ATR: variants seen among roughly 807,000 people sequenced by gnomAD.
The protein encoded by ATR is ATR checkpoint kinase, also known as serine/threonine-protein kinase ATR.
ATR carries 142 observed loss-of-function variants against 305.3 expected under a neutral mutation model. The observed-to-expected ratio is 0.47, with a 90% CI of 0.41 to 0.53. The LOEUF (loss-of-function observed/expected upper bound fraction) is 0.53. Ranked by LOEUF, ATR falls within the 20% of genes least tolerant of loss-of-function variation. The pLI is 0.00. For missense variants in ATR, 2,135 were observed against 3,133.1 expected (o/e 0.68, Z 7.60); for synonymous variants, 1,050 against 1,068.1 (o/e 0.98, Z 0.33).
At chr3:142,540,107 G>A (rs2033996320) in intron 18 of ATR, among the ~76,000 whole-genome samples, 1 of 152,192 alleles carries the variant, frequency 6.6e-6, no homozygotes, top group Non-Finnish European at 1.5e-5. Flanking sequence ...CTATATCTAA[G>A]TACCCATTTA....
intron 24 of ATR, among the ~76,000 whole-genome samples, chr3:142,516,644 C>A (rs571015691): frequency 6.6e-6 from 1 of 152,260 alleles, no homozygotes; most frequent in East Asian, 1.9e-4. Flanking sequence ...GCAATGAAAT[C>A]TGTAAACTTA....
intron 46 of ATR, chr3:142,451,410 A>G: frequency 4.7e-6 from 7 of 1,477,830 alleles, no homozygotes; most frequent in Non-Finnish European, 6.4e-6. Context: ...TCTGAAGCCT[A>G]GAAATATTTT....
At chr3:142,530,079 AACTACTTTTTCTTTTTACTCCTTTTT>A (rs2033579029) in intron 21 of ATR, among the ~76,000 whole-genome samples, 1 of 152,060 alleles carries the variant, frequency 6.6e-6, no homozygotes, top group African/African-American at 2.4e-5. Flanking sequence ...CTTCCATTTC[AACTACTTTTTCTTTTTACTCCTTTTT>A]ACTCCTTTAT....
intron 19 of ATR, among the ~76,000 whole-genome samples, chr3:142,537,000 T>C (rs141691548): frequency 1.6e-3 from 241 of 152,322 alleles, no homozygotes; most frequent in African/African-American, 5.7e-3. Flanking sequence ...TTCTAAATCC[T>C]AGTCTTCATT....
At chr3:142,511,549 G>A (rs889561968) in intron 27 of ATR, among the ~76,000 whole-genome samples, 2 of 151,934 alleles carry the variant, frequency 1.3e-5, no homozygotes, top group Non-Finnish European at 2.9e-5. Context: ...CCAGCTACTC[G>A]CAAAGCTGAG....
chr3:142,458,497 G>A (rs374599727), intron 44 of ATR, among the ~76,000 whole-genome samples: 1 of 152,080 alleles, frequency 6.6e-6, no homozygotes, highest in East Asian at 1.9e-4. Context: ...CCTTAAAGAT[G>A]GGTCCAATTG....
intron 13 of ATR, among the ~76,000 whole-genome samples, chr3:142,552,607 T>A (rs2034510497): frequency 6.7e-6 from 1 of 149,536 alleles, no homozygotes; most frequent in Admixed American, 6.7e-5. Flanking sequence ...GAGGTGAAGG[T>A]TGCAGTGAAC....
At chr3:142,451,602 A>G (rs2070790678) in intron 46 of ATR, 4 of 1,297,624 alleles carry the variant, frequency 3.1e-6, no homozygotes, top group Non-Finnish European at 4.0e-6. Flanking sequence ...GTATGATGCC[A>G]AGGGTCTCAC....
At chr3:142,568,239 A>G in intron 1 of ATR, 85 bp from the exon 2 acceptor site, 6 of 992,688 alleles carry the variant, frequency 6.0e-6, no homozygotes, top group Non-Finnish European at 9.5e-6. Flanking sequence ...GAACTCATCA[A>G]ATGTGTTCAG....
intron 34 of ATR, among the ~76,000 whole-genome samples, chr3:142,494,438 C>T (rs1449268941): frequency 4.6e-5 from 7 of 152,146 alleles, no homozygotes; most frequent in Non-Finnish European, 8.8e-5. Context: ...AGTGTTACAA[C>T]AGAGGAATAT....
chr3:142,459,186 A>G (rs2070971254), intron 43 of ATR, 41 bp downstream of exon 43: 1 of 1,613,016 alleles, frequency 6.2e-7, no homozygotes, highest in South Asian at 1.1e-5. Context: ...TTAAAAATAA[A>G]CATTCAACCA....
At position 142,561,354 on chromosome 3, in the gene ATR, C is replaced by G. The variant is rs2108485303; in HGVS notation, c.1238G>C (p.Cys413Ser). The change falls in exon 5 of 47, where the codon TGC becomes TCC. Residue 413 changes from cysteine (C) to serine (S), a missense_variant. Coordinates refer to ENST00000350721, the MANE Select transcript of ATR (RefSeq NM_001184.4). ...GCTGAGGTTTTCCTGTTGAGTTTGGCATTGAATCTCCTCAATGATTTCCAT... is the reference window on the plus strand; with the variant it reads ...GCTGAGGTTTTCCTGTTGAGTTTGGGATTGAATCTCCTCAATGATTTCCAT... Reference protein sequence around the residue: ...ESMEIIEEIQCQTQQENLSSN... With the variant: ...ESMEIIEEIQSQTQQENLSSN... 5 of 1,614,052 alleles carry G rather than the reference C, an allele frequency of 3.1e-6. No individual in the cohort carries two copies. Among genetic ancestry groups the G allele is most frequent in the African/African-American group, 1.3e-5 (1 of 75,046 alleles).
chr3:142,459,466 A>G (rs986095942), intron 42 of ATR, 83 bp from the exon 43 acceptor site: 2 of 1,446,326 alleles, frequency 1.4e-6, no homozygotes, highest in African/African-American at 2.8e-5. Context: ...TTGGACAAGA[A>G]ACATCTACTT....
At chr3:142,516,827 T>A (rs771741645) in intron 24 of ATR, among the ~76,000 whole-genome samples, 3 of 152,092 alleles carry the variant, frequency 2.0e-5, no homozygotes, top group Non-Finnish European at 4.4e-5. Flanking sequence ...CCCTTTCTAT[T>A]TGTTCCTCAG....
At chr3:142,485,650 C>A (rs866573173) in intron 35 of ATR, among the ~76,000 whole-genome samples, 1 of 152,082 alleles carries the variant, frequency 6.6e-6, no homozygotes, top group Admixed American at 6.6e-5. Flanking sequence ...ACACATATAT[C>A]ATGAAAGGCA....
At chr3:142,451,860 TG>T in intron 46 of ATR, 1 of 1,320,804 alleles carries the variant, frequency 7.6e-7, no homozygotes, top group Non-Finnish European at 1.0e-6. Context: ...AGAACAGAAA[TG>T]GAGCGAGCAG....
At chr3:142,489,699 C>A (rs534953751) in intron 35 of ATR, among the ~76,000 whole-genome samples, 1 of 152,208 alleles carries the variant, frequency 6.6e-6, no homozygotes, top group South Asian at 2.1e-4. Context: ...GTTTGTTTAC[C>A]CATTCTTCTC....
intron 13 of ATR, among the ~76,000 whole-genome samples, chr3:142,551,123 T>C (rs1428555871): frequency 6.6e-6 from 1 of 152,134 alleles, no homozygotes; most frequent in African/African-American, 2.4e-5. Context: ...CAATGCTTTC[T>C]TTTTAAAACC....
rs573563437 is a variant in ATR, at chr3:142,478,848, CTTCT to C, written c.6221+6288_6221+6291del. Among the ~76,000 whole-genome samples the C allele has an allele frequency of 5.2e-3, 792 of 151,926 alleles. 9 individuals carry two copies. The highest frequency in any genetic ancestry group is 0.018 in the African/African-American group (760 of 41,458). On this transcript the variant is annotated intron_variant, in intron 36 of 46. Coordinates refer to ENST00000350721, the MANE Select transcript of ATR (RefSeq NM_001184.4). ...GATCCCTTTACCATTATGTAATGGC[CTTCT>C]TTGTCTCTTTTGATCTTTGTTGGTT...
Sources: gnomAD v4.1 joint callset for allele counts (sites outside exome capture counted in the v4.1 genomes callset) on GRCh38, gnomAD v4.1.1 for gene constraint, MANE v1.5 for transcripts, NCBI Gene and HGNC (gene_info 2026-07-23, HGNC 2026-07-21) for gene names.